LEPR: variants seen among roughly 807,000 people sequenced by gnomAD.
The protein encoded by LEPR is OB receptor.
Under a neutral mutation model 114.7 loss-of-function variants are expected in LEPR, and 56 were observed. The observed-to-expected ratio is 0.49, with a 90% CI of 0.39 to 0.61. The LOEUF (loss-of-function observed/expected upper bound fraction) is 0.61, where lower values mean the gene tolerates loss of function less well. Ranked by LOEUF, LEPR falls within the 20% of genes least tolerant of loss-of-function variation. The probability of loss-of-function intolerance (pLI) is 0.00; values close to 1 mark genes in which losing one functional copy is unlikely to be tolerated. For synonymous variants in LEPR, 443 were observed against 461.4 expected, an observed-to-expected ratio of 0.96 and a Z score of 0.51; for missense variants, 1,202 against 1,352.9, an observed-to-expected ratio of 0.89 and a Z score of 1.75.
intron 2 of LEPR, among the ~76,000 whole-genome samples, chr1:65,503,082 T>C (rs1351551662): frequency 1.3e-5 from 2 of 152,064 alleles, no homozygotes; most frequent in African/African-American, 4.8e-5. Flanking sequence ...GATTTCATTA[T>C]TTATAGGACA....
chr1:65,478,837 A>G (rs1275609646), intron 2 of LEPR, among the ~76,000 whole-genome samples: 3 of 152,200 alleles, frequency 2.0e-5, no homozygotes, highest in Non-Finnish European at 4.4e-5. Context: ...AGTAGGACCA[A>G]TGGAAACTGT....
intron 2 of LEPR, among the ~76,000 whole-genome samples, chr1:65,514,697 A>G (rs968594523): frequency 6.6e-6 from 1 of 152,324 alleles, no homozygotes; most frequent in African/African-American, 2.4e-5. Flanking sequence ...TCGGTATGTG[A>G]ATTTAAAACA....
rs181942745 is a variant in LEPR, at chr1:65,424,160, C to T, written c.-96-1143C>T. On this transcript the variant is annotated intron_variant, in intron 1 of 19. Coordinates refer to ENST00000349533, the MANE Select transcript of LEPR (RefSeq NM_002303.6). Reference sequence around the variant, plus strand: ...CTCTGTTTCTCACTCAGCAGCACAACAAGGGCAAATACGTTCCTACTCCCG... The same window carrying T: ...CTCTGTTTCTCACTCAGCAGCACAATAAGGGCAAATACGTTCCTACTCCCG... Among the ~76,000 whole-genome samples the T allele has an allele frequency of 6.2e-4, 94 of 151,660 alleles. No homozygotes were observed. The East Asian group carries it at 9.4e-3, about 15-fold the overall frequency.
intron 5 of LEPR, chr1:65,578,357 A>C (rs2100837989): frequency 4.6e-6 from 1 of 219,226 alleles, no homozygotes; most frequent in African/African-American, 2.3e-5. Context: ...CATAACAGAA[A>C]TATTGAACTG....
rs778317794 is a variant in LEPR, at chr1:65,626,119, C to T, written c.2673+3138C>T. 1.8e-5 allele frequency: 29 copies of T among 1,611,734 alleles called. 1 individual carries two copies. The South Asian group carries it at 3.1e-4, about 17-fold the overall frequency. On this transcript the variant is annotated intron_variant, in intron 19 of 19. Transcript: ENST00000349533. ...CTGCAGCAAATTATTTTTCCCTTTT[C>T]CAGAAAATGCCTGGCACAAAGGAAC...
rs576747673 is a variant in LEPR at position 65,447,534 on chromosome 1, CT to C, written c.-21+22171del. Among the ~76,000 whole-genome samples, 347 of 135,544 alleles carry C rather than the reference CT, an allele frequency of 2.6e-3. 3 individuals are homozygous for C. Among genetic ancestry groups the C allele is most frequent in the Middle Eastern group, 7.9e-3 (2 of 252 alleles). 88.9% of individuals were successfully genotyped at this position (135,544 alleles called of 152,430 possible). A position where few individuals can be genotyped will look rare whatever the true frequency, so the allele number is the denominator to read the frequency against. ...TAAATGGTATTGTGATTTTTCTTTT[CT>C]TTTTTTTTTTTTTTGATACAGGGTC... On this transcript the variant is annotated intron_variant, in intron 2 of 19. Coordinates refer to ENST00000349533, the MANE Select transcript of LEPR (RefSeq NM_002303.6).
intron 2 of LEPR, among the ~76,000 whole-genome samples, chr1:65,456,878 C>T (rs545690595): frequency 1.3e-5 from 2 of 152,150 alleles, no homozygotes; most frequent in Admixed American, 6.5e-5. Context: ...GTTCTTTGAC[C>T]CTGTTTTTGT....
At chr1:65,552,552 A>G (rs1292931821) in intron 2 of LEPR, among the ~76,000 whole-genome samples, 3 of 151,612 alleles carry the variant, frequency 2.0e-5, no homozygotes, top group Admixed American at 2.0e-4. Context: ...TTTGCTTTCC[A>G]TTTGCTTGAT....
chr1:65,425,044 T>C (rs1319372622), intron 1 of LEPR, among the ~76,000 whole-genome samples: 1 of 152,226 alleles, frequency 6.6e-6, no homozygotes, highest in African/African-American at 2.4e-5. Context: ...TTTTTTTCTT[T>C]CTTTTTTATT....
intron 2 of LEPR, among the ~76,000 whole-genome samples, chr1:65,441,362 G>A (rs1646646267): frequency 6.6e-6 from 1 of 152,080 alleles, no homozygotes; most frequent in South Asian, 2.1e-4. Context: ...GTGACCCTAG[G>A]AGCTGACTTT....
intron 2 of LEPR, among the ~76,000 whole-genome samples, chr1:65,505,260 C>T (rs1351940803): frequency 6.6e-6 from 1 of 152,138 alleles, no homozygotes; most frequent in Non-Finnish European, 1.5e-5. Context: ...GAGCTCCTAA[C>T]TGACAAATGT....
At chr1:65,452,357 A>T (rs1199468095) in intron 2 of LEPR, among the ~76,000 whole-genome samples, 1 of 149,332 alleles carries the variant, frequency 6.7e-6, no homozygotes, top group South Asian at 2.1e-4. Context: ...GTCTTGTGCC[A>T]GTTTTCAAAG....
At chr1:65,473,164 T>C (rs1647110538) in intron 2 of LEPR, among the ~76,000 whole-genome samples, 1 of 152,174 alleles carries the variant, frequency 6.6e-6, no homozygotes, top group African/African-American at 2.4e-5. Context: ...ATATGCATTG[T>C]TTGTAACACT....
rs1056307816 is a variant in LEPR, at chr1:65,628,922, G to A, written c.2673+5941G>A. On this transcript the variant is annotated intron_variant, in intron 19 of 19. Coordinates refer to ENST00000349533, the MANE Select transcript of LEPR (RefSeq NM_002303.6). ...GGACAGTCCCCTTTTCCACCCCTCC[G>A]TACCCTTAGTCTTGCTCTCCAAATG... 5.9e-5 allele frequency among the ~76,000 whole-genome samples: 9 copies of A among 152,076 alleles called. No homozygotes were observed. In the East Asian group the frequency reaches 9.7e-4, roughly 16 times the overall value.
chr1:65,433,841 G>C lies in LEPR; in HGVS notation c.-21+8463G>C, dbSNP rs929609487. 1.8e-5 allele frequency: 18 copies of C among 984,862 alleles called. No homozygotes were observed. The African/African-American group carries it at 3.0e-4, about 16-fold the overall frequency. 61.0% of individuals were successfully genotyped at this position (984,862 alleles called of 1,614,324 possible). On this transcript the variant is annotated intron_variant, in intron 2 of 19. Transcript: ENST00000349533. Reference sequence around the variant, plus strand: ...TAAAATTTTTTTGTGATGTTGCCTTGCCTGAAAAGATAACAAAAATGAGAG... The same window carrying C: ...TAAAATTTTTTTGTGATGTTGCCTTCCCTGAAAAGATAACAAAAATGAGAG...
intron 5 of LEPR, among the ~76,000 whole-genome samples, chr1:65,592,031 G>T (rs1478452972): frequency 1.3e-5 from 2 of 151,812 alleles, no homozygotes; most frequent in Admixed American, 6.6e-5. Context: ...TAGTCCAAGA[G>T]ATAGTATACC....
In LEPR at chr1:65,633,440, G is replaced by A. The variant is rs943721953; in HGVS notation, c.2674-2751G>A. The A allele has an allele frequency of 9.5e-6, 12 of 1,263,642 alleles. No individual in the cohort carries two copies. In the African/African-American group the frequency reaches 1.5e-4, roughly 16 times the overall value. 78.3% of individuals were successfully genotyped at this position (1,263,642 alleles called of 1,614,324 possible). A position where few individuals can be genotyped will look rare whatever the true frequency, so the allele number is the denominator to read the frequency against. ...TTAAAAGTAGTATTCATGATTTCTG[G>A]CTTTTGATTTGTCATATTCCTGGTC... On this transcript the variant is annotated intron_variant, in intron 19 of 19. Coordinates refer to ENST00000349533, the MANE Select transcript of LEPR (RefSeq NM_002303.6). The surrounding 1 kb of genome is among the most constrained non-coding windows in gnomAD (Gnocchi z 4.1).
intron 2 of LEPR, among the ~76,000 whole-genome samples, chr1:65,472,445 C>T (rs900747219): frequency 4.6e-5 from 6 of 131,794 alleles, no homozygotes; most frequent in East Asian, 4.2e-4. Context: ...CACACACACA[C>T]GTGTGTATAT....
At chr1:65,430,878 G>A (rs9436302) in intron 2 of LEPR, among the ~76,000 whole-genome samples, 39,152 of 152,054 alleles carry the variant, frequency 0.26, 5,604 homozygotes, top group African/African-American at 0.39. Context: ...GAGAAATTCC[G>A]ACTGGCATTT....
Sources: allele counts gnomAD v4.1 joint callset (sites outside exome capture counted in the v4.1 genomes callset), GRCh38; gene constraint gnomAD v4.1.1; non-coding constraint Gnocchi (gnomAD v3.1); transcripts MANE v1.5; gene names NCBI Gene and HGNC (gene_info 2026-07-23, HGNC 2026-07-21).